EIF4E3: variants seen among roughly 807,000 people sequenced by gnomAD.
EIF4E3 encodes eukaryotic translation initiation factor 4E type 3.
EIF4E3 carries 26 observed loss-of-function variants against 31.7 expected under a neutral mutation model. The ratio of observed to expected loss-of-function variants is 0.82; its 90% confidence interval spans 0.60 to 1.14. The LOEUF (loss-of-function observed/expected upper bound fraction) is 1.14. Among genes scored for constraint, EIF4E3 ranks in the 50% most tolerant of loss-of-function variants. The probability of loss-of-function intolerance (pLI) is 0.00; values close to 1 mark genes in which losing one functional copy is unlikely to be tolerated. For missense variants in EIF4E3, 304 were observed against 270.9 expected (o/e 1.12, Z -0.86); for synonymous variants, 128 against 107.7 (o/e 1.19, Z -1.17).
At chr3:71,690,261 T>C (rs749579922) in intron 5 of EIF4E3, 96 bp from the exon 6 acceptor site, 43 of 1,352,358 alleles carry the variant, frequency 3.2e-5, no homozygotes, top group Non-Finnish European at 4.0e-5. Flanking sequence ...AAATTAAGGA[T>C]AAGATGGAAA....
In EIF4E3 at chr3:71,722,445, C is replaced by A. The variant is rs556406500; in HGVS notation, c.176+2747G>T. ...TTGTGGGAAAAAACTCAGAGGCGAG[C>A]GGGTCACCATAAGATCAAAAGGAAG... On this transcript the variant is annotated intron_variant, in intron 1 of 6. Transcript: ENST00000425534. Among the ~76,000 whole-genome samples, 6 of 152,228 alleles carry A rather than the reference C, an allele frequency of 3.9e-5. No individual in the cohort carries two copies. The South Asian group carries it at 8.3e-4, about 21-fold the overall frequency.
intron 2 of EIF4E3, among the ~76,000 whole-genome samples, chr3:71,709,970 C>T (rs952221062): frequency 4.6e-5 from 7 of 152,064 alleles, no homozygotes; most frequent in Non-Finnish European, 7.4e-5. Context: ...CTTCACGCTC[C>T]ACACTATCCT....
rs2048881409 is a variant in EIF4E3, at chr3:71,677,262, T to C, written c.*7420A>G. 6.6e-6 allele frequency: 1 copy of C among 152,232 alleles called. No homozygotes were observed. The highest frequency in any genetic ancestry group is 1.5e-5 in the Non-Finnish European group (1 of 68,038). The allele number at this position is 152,232 out of a possible 1,614,324, so 9.4% of individuals were successfully genotyped here. ...ACATATATTTTAACTTGCTGGCCCT[T>C]GCAAATGCTACTGTTTTTTCTTTTC... On this transcript the variant is annotated 3_prime_UTR_variant, in exon 7 of 7. Transcript: ENST00000425534.
chr3:71,684,487 G>T lies in EIF4E3; in HGVS notation c.*195C>A. ...GTGTTTTTTTTAAAAAGCAAGTAAT[G>T]TGACGGTAGAAACCCACACAATCTC... is the stretch of plus-strand genomic sequence containing the variant. On this transcript the variant is annotated 3_prime_UTR_variant, in exon 7 of 7. Coordinates refer to ENST00000425534, the MANE Select transcript of EIF4E3 (RefSeq NM_001134651.2). The T allele has an allele frequency of 9.6e-6, 4 of 418,384 alleles. No individual in the cohort carries two copies. The highest frequency in any genetic ancestry group is 4.3e-5 in the Admixed American group (1 of 23,372). 25.9% of individuals were successfully genotyped at this position (418,384 alleles called of 1,614,324 possible).
the EIF4E3 span, among the ~76,000 whole-genome samples, chr3:71,666,318 T>G: frequency 6.6e-6 from 1 of 152,062 alleles, no homozygotes; most frequent in African/African-American, 2.4e-5. Flanking sequence ...TATAAACACC[T>G]CTATGCAAAT....
chr3:71,701,327 C>G (rs1264733698), intron 2 of EIF4E3, among the ~76,000 whole-genome samples: 1 of 152,166 alleles, frequency 6.6e-6, no homozygotes, highest in Non-Finnish European at 1.5e-5. Context: ...TAATGACACT[C>G]TTAGGAGGAG....
chr3:71,690,289 A>T (rs2049047796), intron 5 of EIF4E3, 124 bp from the exon 6 acceptor site: 1 of 1,097,046 alleles, frequency 9.1e-7, no homozygotes, highest in African/African-American at 1.6e-5. Flanking sequence ...GTGGCACAAG[A>T]TAACTTGTAA....
At chr3:71,671,978 TAA>T (rs2048849374), downstream of EIF4E3, among the ~76,000 whole-genome samples, 1 of 152,094 alleles carries the variant, frequency 6.6e-6, no homozygotes, top group Non-Finnish European at 1.5e-5. Context: ...ACAAAGCTGC[TAA>T]GAGGGTTTTG....
At chr3:71,694,051 C>CA in intron 4 of EIF4E3, 110 bp from the exon 5 acceptor site, 1 of 1,078,764 alleles carries the variant, frequency 9.3e-7, no homozygotes, top group Non-Finnish European at 1.3e-6. Flanking sequence ...CATGCACTTT[C>CA]TGTGCCCATA....
intron 1 of EIF4E3, among the ~76,000 whole-genome samples, chr3:71,738,639 G>A (rs1467834851): frequency 6.6e-6 from 1 of 152,058 alleles, no homozygotes. Context: ...CACCGAACAA[G>A]AGAGGCTCAA....
intron 2 of EIF4E3, among the ~76,000 whole-genome samples, chr3:71,704,729 T>C (rs1355488119): frequency 6.6e-6 from 1 of 152,208 alleles, no homozygotes; most frequent in Non-Finnish European, 1.5e-5. Context: ...CCTGTTCATA[T>C]GGAGAAGGAG....
At chr3:71,695,422 A>T (rs558340406) in intron 4 of EIF4E3, among the ~76,000 whole-genome samples, 3 of 152,358 alleles carry the variant, frequency 2.0e-5, no homozygotes, top group African/African-American at 7.2e-5. Flanking sequence ...TGTTGACATC[A>T]TGATTACTTC....
Position 71,684,553 on chromosome 3 carries a change from T to G in EIF4E3, c.*129A>C. ...CCACTTTGAGTCCTAATTGCCCATC[T>G]GCAAGGACAGAAACCCACTCTAAAT... On this transcript the variant is annotated 3_prime_UTR_variant, in exon 7 of 7. Transcript: ENST00000425534. 9.6e-7 allele frequency: 1 copy of G among 1,043,320 alleles called. No individual in the cohort carries two copies. The highest frequency in any genetic ancestry group is 1.4e-6 in the Non-Finnish European group (1 of 716,390). The allele number at this position is 1,043,320 out of a possible 1,614,324, so 64.6% of individuals were successfully genotyped here. A position where few individuals can be genotyped will look rare whatever the true frequency, so the allele number is the denominator to read the frequency against.
intron 3 of EIF4E3, among the ~76,000 whole-genome samples, chr3:71,697,960 C>T (rs980689295): frequency 6.6e-6 from 1 of 152,130 alleles, no homozygotes; most frequent in Non-Finnish European, 1.5e-5. Flanking sequence ...ACTAACAGTC[C>T]TATGTTTAGT....
At chr3:71,710,081 C>G (rs1239830325) in intron 2 of EIF4E3, among the ~76,000 whole-genome samples, 2 of 152,158 alleles carry the variant, frequency 1.3e-5, no homozygotes, top group African/African-American at 2.4e-5. Flanking sequence ...ACTGGCAGAG[C>G]TGGAGTTTGA....
the EIF4E3 span, among the ~76,000 whole-genome samples, chr3:71,665,053 C>A: frequency 6.6e-6 from 1 of 152,132 alleles, no homozygotes; most frequent in African/African-American, 2.4e-5. Context: ...AGAATCTTAG[C>A]TGGTTTCTCT....
chr3:71,685,626 G>A (rs1475841294), intron 6 of EIF4E3, among the ~76,000 whole-genome samples: 2 of 152,212 alleles, frequency 1.3e-5, no homozygotes, highest in Admixed American at 6.5e-5. Context: ...GCCTCCCAAA[G>A]TAGTGGGATT....
chr3:71,700,633 A>AT (rs1203496454), intron 2 of EIF4E3, among the ~76,000 whole-genome samples: 2 of 147,300 alleles, frequency 1.4e-5, no homozygotes, highest in Non-Finnish European at 3.0e-5. Flanking sequence ...AAAAAAAAAA[A>AT]TCAACCCTGT....
At chr3:71,674,497 C>T (rs1173848510), downstream of EIF4E3, among the ~76,000 whole-genome samples, 1 of 152,090 alleles carries the variant, frequency 6.6e-6, no homozygotes, top group African/African-American at 2.4e-5. Context: ...TGTGGCAAAT[C>T]AACGCAGAAG....
Sources: gnomAD v4.1 joint callset for allele counts (sites outside exome capture counted in the v4.1 genomes callset) on GRCh38, gnomAD v4.1.1 for gene constraint, MANE v1.5 for transcripts, NCBI Gene and HGNC (gene_info 2026-07-23, HGNC 2026-07-21) for gene names.